The following MTOR variants were observed in gnomAD, a reference collection of about 807,000 sequenced individuals.
The protein encoded by MTOR is mechanistic target of rapamycin kinase, also known as serine/threonine-protein kinase mTOR.
Under a neutral mutation model 319.8 loss-of-function variants are expected in MTOR, and 70 were observed. The ratio of observed to expected loss-of-function variants is 0.22; its 90% CI spans 0.18 to 0.27. The LOEUF (loss-of-function observed/expected upper bound fraction) is 0.27. Ranked by LOEUF, MTOR falls within the 10% of genes least tolerant of loss-of-function variation. The pLI, the probability that MTOR is intolerant of heterozygous loss-of-function variation, is 1.00. For synonymous variants in MTOR, 1,183 were observed against 1,211.4 expected (o/e 0.98, Z 0.49); for missense variants, 1,890 against 3,274.4 (o/e 0.58, Z 10.32).
Position 11,127,905 on chromosome 1 carries a change from GA to G in MTOR, c.6033+98del. 6.3e-7 allele frequency: 1 copy of G among 1,582,542 alleles called. No individual in the cohort carries two copies. Among genetic ancestry groups the G allele is most frequent in the Non-Finnish European group, 8.6e-7 (1 of 1,165,058 alleles). On this transcript the variant is annotated intron_variant, in intron 43 of 57. Coordinates refer to ENST00000361445, the MANE Select transcript of MTOR (RefSeq NM_004958.4). The surrounding 1 kb of genome is among the most constrained non-coding windows in gnomAD (Gnocchi z 5.5). ...GAGGTACTATTTCCAGCAGTCAGAG[GA>G]AGTGCACAGCACCAATGCGAGGAAG...
rs1557732517 is a variant in MTOR, at chr1:11,107,078, G to A, written c.*407C>T. 1 of 1,373,232 alleles carries A rather than the reference G, an allele frequency of 7.3e-7. No homozygotes were observed. Among genetic ancestry groups the A allele is most frequent in the South Asian group, 1.2e-5 (1 of 81,744 alleles). The allele number at this position is 1,373,232 out of a possible 1,614,324, so 85.1% of individuals were successfully genotyped here. ...TAATCCATGTTCTCCACGACCTGAG[G>A]CTTCTTGGCTGTGCTGAGTTTGCTG... is the stretch of plus-strand genomic sequence containing the variant. On this transcript the variant is annotated 3_prime_UTR_variant, in exon 58 of 58. Transcript: ENST00000361445.
At chr1:11,150,322 G>T in intron 30 of MTOR, 96 bp from the exon 31 acceptor site, 1 of 943,120 alleles carries the variant, frequency 1.1e-6, no homozygotes, top group South Asian at 1.5e-5. Flanking sequence ...GACTACACAG[G>T]AACTGGACAC....
chr1:11,136,134 C>CA (rs748128482), intron 36 of MTOR, among the ~76,000 whole-genome samples: 2 of 151,954 alleles, frequency 1.3e-5, no homozygotes, highest in Admixed American at 6.6e-5. Flanking sequence ...AACCCTGTCT[C>CA]AAAAAAACAA....
intron 36 of MTOR, among the ~76,000 whole-genome samples, chr1:11,135,695 TG>T: frequency 6.8e-6 from 1 of 146,370 alleles, no homozygotes; most frequent in Non-Finnish European, 1.5e-5. Context: ...TAGCCGGGCG[TG>T]GTGGGGCGCG....
At chr1:11,222,789 A>G (rs974482157) in intron 19 of MTOR, among the ~76,000 whole-genome samples, 34 of 152,188 alleles carry the variant, frequency 2.2e-4, no homozygotes, top group African/African-American at 8.2e-4. Flanking sequence ...TATATAAGTA[A>G]GAAAATCACC....
In MTOR at chr1:11,109,268, A is replaced by G. The variant is rs1641735859; in HGVS notation, c.7528+22T>C. 3 of 1,609,384 alleles carry G rather than the reference A, an allele frequency of 1.9e-6. No individual in the cohort carries two copies. The highest frequency in any genetic ancestry group is 1.3e-5 in the African/African-American group (1 of 74,878). On this transcript the variant is annotated intron_variant, in intron 56 of 57. Coordinates refer to ENST00000361445, the MANE Select transcript of MTOR (RefSeq NM_004958.4). The surrounding 1 kb of genome is among the most constrained non-coding windows in gnomAD (Gnocchi z 4.0). Reference sequence around the variant, plus strand: ...GTGCTCAGATTTTATGTCCCTTTTAAGTAAACACATGACACACTCACCAGT... The same window carrying G: ...GTGCTCAGATTTTATGTCCCTTTTAGGTAAACACATGACACACTCACCAGT...
At chr1:11,226,930 C>T (rs1195475478) in intron 19 of MTOR, among the ~76,000 whole-genome samples, 23 of 140,050 alleles carry the variant, frequency 1.6e-4, no homozygotes, top group African/African-American at 6.2e-4. Context: ...CCCCCGCCCC[C>T]GCCCCCGCCC....
At chr1:11,124,358 G>A in intron 47 of MTOR, 140 bp downstream of exon 47, 1 of 1,121,920 alleles carries the variant, frequency 8.9e-7, no homozygotes, top group South Asian at 1.7e-5. Flanking sequence ...GAGTTTCTGG[G>A]ACTACAGGCA....
intron 34 of MTOR, among the ~76,000 whole-genome samples, chr1:11,141,713 A>G (rs1465787434): frequency 6.7e-6 from 1 of 148,782 alleles, no homozygotes; most frequent in African/African-American, 2.4e-5. Context: ...AAGGCGGGGC[A>G]CGGTGGCTCA....
intron 8 of MTOR, among the ~76,000 whole-genome samples, chr1:11,245,789 G>A (rs1312117959): frequency 6.6e-6 from 1 of 152,056 alleles, no homozygotes; most frequent in Non-Finnish European, 1.5e-5. Context: ...TCATGCCTGT[G>A]GTCCTACCTA....
intron 36 of MTOR, among the ~76,000 whole-genome samples, chr1:11,137,023 G>C (rs1251707454): frequency 6.6e-6 from 1 of 151,304 alleles, no homozygotes; most frequent in Non-Finnish European, 1.5e-5. Flanking sequence ...TGCATTTTTA[G>C]TAGAGACGGT....
At chr1:11,153,753 T>C (rs1376732954) in intron 30 of MTOR, among the ~76,000 whole-genome samples, 1 of 151,946 alleles carries the variant, frequency 6.6e-6, no homozygotes, top group Non-Finnish European at 1.5e-5. Context: ...AGGAACTGAA[T>C]TTCACATTTT....
intron 28 of MTOR, among the ~76,000 whole-genome samples, chr1:11,183,457 C>G (rs563534382): frequency 6.6e-6 from 1 of 152,218 alleles, no homozygotes; most frequent in African/African-American, 2.4e-5. Flanking sequence ...TTTTATTGTG[C>G]TACCTTTTTC....
intron 28 of MTOR, chr1:11,193,445 G>C (rs958142489): frequency 4.0e-6 from 3 of 753,248 alleles, no homozygotes; most frequent in African/African-American, 3.6e-5. Context: ...ATCACTGCCC[G>C]AGTGAGCCAG....
At chr1:11,124,745 C>G in intron 46 of MTOR, 112 bp from the exon 47 acceptor site, 1 of 1,185,284 alleles carries the variant, frequency 8.4e-7, no homozygotes. Context: ...TACCTAATCA[C>G]ACGTTCCTCA....
At chr1:11,137,213 A>C (rs1445478229) in intron 36 of MTOR, among the ~76,000 whole-genome samples, 2 of 151,900 alleles carry the variant, frequency 1.3e-5, no homozygotes, top group Non-Finnish European at 2.9e-5. Flanking sequence ...CAATCGCCAA[A>C]AAGGTGATAA....
intron 2 of MTOR, 133 bp downstream of exon 2, chr1:11,259,115 C>T (rs1473987849): frequency 5.6e-6 from 6 of 1,076,248 alleles, no homozygotes; most frequent in Admixed American, 5.8e-5. Context: ...ATGGATGTGA[C>T]AGGTTGGGTG....
At position 11,217,858 on chromosome 1, in the gene MTOR, A is replaced by T. The variant is rs541109786; in HGVS notation, c.3031-1624T>A. On this transcript the variant is annotated intron_variant, in intron 19 of 57. Coordinates refer to ENST00000361445, the MANE Select transcript of MTOR (RefSeq NM_004958.4). ...ATAAAAAGCATTACTTAAAAAAAAA[A>T]GTGCTATCTCAAACAGTGAGTAATG... is the stretch of plus-strand genomic sequence containing the variant. Among the ~76,000 whole-genome samples, 12 of 152,242 alleles carry T rather than the reference A, an allele frequency of 7.9e-5. No homozygotes were observed. In the South Asian group the frequency reaches 1.7e-3, roughly 21 times the overall value.
At chr1:11,139,209 A>G in intron 36 of MTOR, 95 bp downstream of exon 36, 1 of 1,486,746 alleles carries the variant, frequency 6.7e-7, no homozygotes, top group Non-Finnish European at 9.0e-7. Context: ...TGGTTTAAAC[A>G]CTGTTTCTTT....
Sources: gnomAD v4.1 joint callset for allele counts (sites outside exome capture counted in the v4.1 genomes callset) on GRCh38, gnomAD v4.1.1 for gene constraint, Gnocchi (gnomAD v3.1) non-coding constraint, MANE v1.5 for transcripts, NCBI Gene and HGNC (gene_info 2026-07-23, HGNC 2026-07-21) for gene names.